TATDN1: variants seen among roughly 807,000 people sequenced by gnomAD.
The protein encoded by TATDN1 is TatD DNase domain containing 1.
A neutral mutation model predicts 46.4 loss-of-function variants in TATDN1; 40 were observed. The ratio of observed to expected loss-of-function variants is 0.86; its 90% confidence interval spans 0.67 to 1.12. The LOEUF (loss-of-function observed/expected upper bound fraction) is 1.12. TATDN1 is among the 50% of genes most tolerant of loss of function. TATDN1 has a pLI of 0.00. For synonymous variants in TATDN1, 95 were observed against 105.6 expected, an observed-to-expected ratio of 0.90 and a Z score of 0.62; for missense variants, 326 against 348.4, an observed-to-expected ratio of 0.94 and a Z score of 0.51.
At chr8:124,528,310 A>G (rs1820675552) in intron 1 of TATDN1, among the ~76,000 whole-genome samples, 1 of 152,130 alleles carries the variant, frequency 6.6e-6, no homozygotes, top group Non-Finnish European at 1.5e-5. Flanking sequence ...AGTAGCTGAG[A>G]CTACAGGCGC....
At chr8:124,509,756 A>G (rs1452543942) in intron 6 of TATDN1, among the ~76,000 whole-genome samples, 2 of 152,204 alleles carry the variant, frequency 1.3e-5, no homozygotes, top group Admixed American at 1.3e-4. Flanking sequence ...AGCAGTCTTC[A>G]GGCCGGGCGT....
chr8:124,497,892 T>C (rs1029122398), intron 9 of TATDN1, among the ~76,000 whole-genome samples: 1 of 151,494 alleles, frequency 6.6e-6, no homozygotes, highest in South Asian at 2.1e-4. Context: ...ATAAAAAAAA[T>C]ATGTATCTTT....
At chr8:124,524,365 T>C (rs1465811475) in intron 1 of TATDN1, among the ~76,000 whole-genome samples, 3 of 152,190 alleles carry the variant, frequency 2.0e-5, no homozygotes, top group African/African-American at 7.2e-5. Flanking sequence ...TCTAATACTA[T>C]ACATACAATA....
Position 124,509,023 on chromosome 8 carries a change from T to C in TATDN1, c.390-335A>G, listed in dbSNP as rs557837638. 3.9e-5 allele frequency among the ~76,000 whole-genome samples: 6 copies of C among 152,350 alleles called. No individual in the cohort carries two copies. In the South Asian group the frequency reaches 1.2e-3, roughly 32 times the overall value. ...AGGAGAGCTTCATACTGCATGCTAA[T>C]CTATTCCATTTTGCAACCAGTTTTT... On this transcript the variant is annotated intron_variant, in intron 6 of 11. Coordinates refer to ENST00000276692, the MANE Select transcript of TATDN1 (RefSeq NM_032026.4).
intron 4 of TATDN1, 74 bp from the exon 5 acceptor site, chr8:124,516,104 G>T: frequency 7.9e-7 from 1 of 1,258,096 alleles, no homozygotes; most frequent in Non-Finnish European, 1.1e-6. Flanking sequence ...ATATTTAGAG[G>T]ATATCAAGTA....
Position 124,503,969 on chromosome 8 carries a change from C to T in TATDN1, c.593+302G>A, listed in dbSNP as rs552695158. On this transcript the variant is annotated intron_variant, in intron 9 of 11. Transcript: ENST00000276692. ...ACATAATGCTGTGAACACATGTTTTCAAGGGATCAAATGACCTGAGAATAA... is the reference window on the plus strand; with the variant it reads ...ACATAATGCTGTGAACACATGTTTTTAAGGGATCAAATGACCTGAGAATAA... 2,497 of 1,309,330 alleles carry T rather than the reference C, an allele frequency of 1.9e-3. 1 individual carries two copies. The highest frequency in any genetic ancestry group is 2.4e-3 in the Non-Finnish European group (2,393 of 996,850). The allele number at this position is 1,309,330 out of a possible 1,614,324, so 81.1% of individuals were successfully genotyped here.
chr8:124,495,296 CAT>C (rs1041130946), intron 10 of TATDN1, 174 bp downstream of exon 10: 31 of 600,856 alleles, frequency 5.2e-5, no homozygotes, highest in African/African-American at 5.1e-4. Context: ...AAATCATTTG[CAT>C]ATGTTTTTCC....
chr8:124,488,526 T>A lies in TATDN1; in HGVS notation c.*68A>T, dbSNP rs1166252123. On this transcript the variant is annotated 3_prime_UTR_variant, in exon 12 of 12. Coordinates refer to ENST00000276692, the MANE Select transcript of TATDN1 (RefSeq NM_032026.4). ...AGACAACTTGCAGATAATTTCTTTA[T>A]TGAAACTATCAGGAAGTTTTACTAT... is the stretch of plus-strand genomic sequence containing the variant. 5.0e-6 allele frequency: 4 copies of A among 793,838 alleles called. No individual in the cohort carries two copies. In the African/African-American group the frequency reaches 7.0e-5, roughly 14 times the overall value. 49.2% of individuals were successfully genotyped at this position (793,838 alleles called of 1,614,324 possible). A position where few individuals can be genotyped will look rare whatever the true frequency, so the allele number is the denominator to read the frequency against.
At chr8:124,521,769 C>A in intron 3 of TATDN1, 1 of 160,216 alleles carries the variant, frequency 6.2e-6, no homozygotes, top group Non-Finnish European at 1.4e-5. Flanking sequence ...ATGGTATGCC[C>A]AAACTATAAA....
At chr8:124,523,347 T>C (rs952132469) in intron 1 of TATDN1, 3 of 234,114 alleles carry the variant, frequency 1.3e-5, no homozygotes, top group African/African-American at 2.3e-5. Flanking sequence ...GAAGTCATCA[T>C]TGAACTGAAT....
chr8:124,511,051 C>T (rs955276511), intron 6 of TATDN1, among the ~76,000 whole-genome samples: 22 of 152,148 alleles, frequency 1.4e-4, no homozygotes, highest in African/African-American at 4.6e-4. Context: ...CTAGAAATAA[C>T]TGTATAAGTT....
chr8:124,537,021 A>G (rs1821483451), intron 1 of TATDN1, among the ~76,000 whole-genome samples: 1 of 152,180 alleles, frequency 6.6e-6, no homozygotes, highest in Non-Finnish European at 1.5e-5. Flanking sequence ...GAGTGGGGCT[A>G]AAGGAAACCA....
intron 1 of TATDN1, among the ~76,000 whole-genome samples, chr8:124,533,910 G>A (rs1054601498): frequency 6.6e-6 from 1 of 152,030 alleles, no homozygotes; most frequent in Non-Finnish European, 1.5e-5. Flanking sequence ...ACTTTGGGAG[G>A]CTGAGGCAGG....
At chr8:124,524,213 T>C (rs912343762) in intron 1 of TATDN1, among the ~76,000 whole-genome samples, 1 of 152,082 alleles carries the variant, frequency 6.6e-6, no homozygotes, top group Non-Finnish European at 1.5e-5. Context: ...TAAGAGACAG[T>C]GAAGAGAGTA....
At chr8:124,528,026 T>A (rs1820647671) in intron 1 of TATDN1, among the ~76,000 whole-genome samples, 2 of 152,152 alleles carry the variant, frequency 1.3e-5, no homozygotes, top group South Asian at 4.1e-4. Context: ...AGAAAGAAAG[T>A]ATGATGGAGA....
At chr8:124,518,785 A>ATT in intron 4 of TATDN1, 33 bp downstream of exon 4, 16 of 1,305,328 alleles carry the variant, frequency 1.2e-5, no homozygotes, top group Admixed American at 7.8e-5. Flanking sequence ...TACTTAATTC[A>ATT]TTTTTTTTTT....
At chr8:124,528,311 C>T (rs531965854) in intron 1 of TATDN1, among the ~76,000 whole-genome samples, 17 of 152,110 alleles carry the variant, frequency 1.1e-4, no homozygotes, top group Non-Finnish European at 1.9e-4. Flanking sequence ...GTAGCTGAGA[C>T]TACAGGCGCC....
chr8:124,529,155 TG>T (rs1345418779), intron 1 of TATDN1, among the ~76,000 whole-genome samples: 2 of 152,196 alleles, frequency 1.3e-5, no homozygotes, highest in African/African-American at 4.8e-5. Context: ...AAAAGTCAAG[TG>T]CTGTCTTTGT....
chr8:124,507,784 C>CAAAAAAAAAAAAA (rs201337834), intron 8 of TATDN1, among the ~76,000 whole-genome samples: 1 of 93,584 alleles, frequency 1.1e-5, no homozygotes, highest in Admixed American at 1.1e-4. Context: ...TCTTAATAAC[C>CAAAAAAAAAAAAA]AAAAAAAAAA....
Sources: gnomAD v4.1 joint callset for allele counts (sites outside exome capture counted in the v4.1 genomes callset) on GRCh38, gnomAD v4.1.1 for gene constraint, MANE v1.5 for transcripts, NCBI Gene and HGNC (gene_info 2026-07-23, HGNC 2026-07-21) for gene names.